SAMD11: variants seen among roughly 807,000 people sequenced by gnomAD.
The protein encoded by SAMD11 is sterile alpha motif domain containing 11, also known as sterile alpha motif domain-containing protein 11.
A neutral mutation model predicts 64.4 loss-of-function variants in SAMD11; 77 were observed. The ratio of observed to expected loss-of-function variants is 1.20; its 90% CI spans 0.99 to 1.44. The LOEUF is 1.44. Among genes scored for constraint, SAMD11 ranks in the 40% most tolerant of loss-of-function variants. The probability of loss-of-function intolerance (pLI) is 0.00; values close to 1 mark genes in which losing one functional copy is unlikely to be tolerated. For missense variants in SAMD11, 1,402 were observed against 943.3 expected (o/e 1.49, Z -6.37); for synonymous variants, 658 against 421.9 (o/e 1.56, Z -6.86).
In SAMD11 at chr1:944,021, C is replaced by T. The variant is rs141154114; in HGVS notation, c.2403C>T (p.Pro801=). The stretch of plus-strand genomic sequence containing the variant: ...GAGAACTCGGCACAGGAGAGCAGCC[C>T]TTGTCCCCCACGACGGCCACGTCCC... The part of the protein sequence containing the change: ...PERELGTGEQ[P]LSPTTATSPY... Residue 801 remains proline, a synonymous_variant, in exon 14 of 14, where the codon CCC becomes CCT. Coordinates refer to ENST00000616016, the MANE Select transcript of SAMD11 (RefSeq NM_001385641.1). 3.1e-6 allele frequency: 5 copies of T among 1,612,930 alleles called. No homozygotes were observed. In the Admixed American group the frequency reaches 5.0e-5, roughly 16 times the overall value.
chr1:941,551 C>T (rs1342349270), intron 8 of SAMD11, among the ~76,000 whole-genome samples: 2 of 152,062 alleles, frequency 1.3e-5, no homozygotes, highest in Non-Finnish European at 2.9e-5. Context: ...AAGGGGAGAG[C>T]TCCAAGTCTG....
chr1:943,103 G>C, intron 11 of SAMD11, 45 bp downstream of exon 11: 1 of 1,555,378 alleles, frequency 6.4e-7, no homozygotes, highest in South Asian at 1.2e-5. Flanking sequence ...GCACAGGACT[G>C]GCAGGCCGCC....
chr1:943,383 G>A lies in SAMD11; in HGVS notation c.2178+6G>A. The A allele has an allele frequency of 1.3e-6, 2 of 1,531,802 alleles. No individual in the cohort carries two copies. Among genetic ancestry groups the A allele is most frequent in the Non-Finnish European group, 1.8e-6 (2 of 1,138,466 alleles). 94.9% of individuals were successfully genotyped at this position (1,531,802 alleles called of 1,614,324 possible). ...GCTGTGGAGAGTACACTCGGGTAAG[G>A]GGGGGCCCCAGTTCCTGGGGCGGGG... On this transcript the variant is annotated splice_donor_region_variant and intron_variant, in intron 12 of 13. Transcript: ENST00000616016.
Position 935,831 on chromosome 1 carries a change from T to C in SAMD11, c.902T>C (p.Met301Thr), listed in dbSNP as rs1641404114. 3.1e-6 allele frequency: 5 copies of C among 1,613,424 alleles called. No homozygotes were observed. Among genetic ancestry groups the C allele is most frequent in the Non-Finnish European group, 4.2e-6 (5 of 1,179,884 alleles). ...SSVHRSRHLV[M>T]PEHQSRCEFQ... Reference sequence around the variant, plus strand: ...GTCCACCGCAGCCGCCACCTCGTTATGCCCGAGCATCAGAGCCGCTGTGAA... The same window carrying C: ...GTCCACCGCAGCCGCCACCTCGTTACGCCCGAGCATCAGAGCCGCTGTGAA... Residue 301 changes from methionine to threonine, a missense_variant, in exon 5 of 14, where the codon ATG (methionine) becomes ACG (threonine). Physicochemically the swap from Met to Thr is moderately conservative, Grantham distance 81. Coordinates refer to ENST00000616016, the MANE Select transcript of SAMD11 (RefSeq NM_001385641.1).
intron 2 of SAMD11, 101 bp from the exon 3 acceptor site, chr1:930,053 AC>A: frequency 3.7e-6 from 5 of 1,359,870 alleles, no homozygotes; most frequent in Non-Finnish European, 5.0e-6. Context: ...ACCAGGGCAG[AC>A]CCCCGGGAGA....
chr1:930,404 T>C, intron 3 of SAMD11, 68 bp downstream of exon 3: 1 of 1,479,372 alleles, frequency 6.8e-7, no homozygotes, highest in South Asian at 1.3e-5. Flanking sequence ...GGCCTTCAGC[T>C]GCTCAGATGA....
chr1:931,410 C>T (rs954077463), intron 4 of SAMD11, among the ~76,000 whole-genome samples: 1 of 152,158 alleles, frequency 6.6e-6, no homozygotes, highest in Non-Finnish European at 1.5e-5. Flanking sequence ...GCCATTTGAG[C>T]CCAAAAATGA....
In SAMD11 at chr1:935,891, C is replaced by A; in HGVS notation, c.962C>A (p.Pro321His). Residue 321 changes from proline (P) to histidine (H), a missense_variant, in exon 5 of 14, where the codon CCC becomes CAC. By Grantham distance (77) the Pro-to-His change is moderately conservative. Transcript: ENST00000616016. ...QRGSLEIGLR[P>H]AGDLLGKRLG... ...GGCAGCCTGGAGATTGGCCTGCGAC[C>A]CGCCGGTGAGGAGCACAGGGGGCCT... 1.2e-6 allele frequency: 2 copies of A among 1,612,662 alleles called. No individual in the cohort carries two copies. The highest frequency in any genetic ancestry group is 1.7e-6 in the Non-Finnish European group (2 of 1,179,666).
At position 929,554 on chromosome 1, in the gene SAMD11, C is replaced by T. The variant is rs564441603; in HGVS notation, c.610-601C>T. 2.0e-5 allele frequency among the ~76,000 whole-genome samples: 3 copies of T among 152,308 alleles called. No homozygotes were observed. In the South Asian group the frequency reaches 6.2e-4, roughly 32 times the overall value. On this transcript the variant is annotated intron_variant, in intron 2 of 13. Coordinates refer to ENST00000616016, the MANE Select transcript of SAMD11 (RefSeq NM_001385641.1). ...AAGGGCATTCGCTTGTCAACGTTGGCATCGGTGGCAGGGTGTGGTGGGCAG... is the reference window on the plus strand; with the variant it reads ...AAGGGCATTCGCTTGTCAACGTTGGTATCGGTGGCAGGGTGTGGTGGGCAG...
intron 5 of SAMD11, among the ~76,000 whole-genome samples, chr1:937,235 C>G (rs753781105): frequency 6.6e-6 from 1 of 152,130 alleles, no homozygotes; most frequent in Non-Finnish European, 1.5e-5. Flanking sequence ...GTTCCCAGCC[C>G]GGGCCCTCCC....
intron 7 of SAMD11, among the ~76,000 whole-genome samples, chr1:939,695 G>C (rs1388025154): frequency 2.6e-5 from 4 of 152,192 alleles, no homozygotes; most frequent in Non-Finnish European, 5.9e-5. Context: ...GGTGGACCCA[G>C]GTGAGGGTGG....
chr1:938,098 C>T (rs933987231), intron 5 of SAMD11, among the ~76,000 whole-genome samples: 34 of 151,918 alleles, frequency 2.2e-4, no homozygotes, highest in African/African-American at 8.2e-4. Context: ...CTGGGAGACC[C>T]CCAGGGCGTG....
At position 944,241 on chromosome 1, in the gene SAMD11, T is replaced by G; in HGVS notation, c.*88T>G. On this transcript the variant is annotated 3_prime_UTR_variant, in exon 14 of 14. Coordinates refer to ENST00000616016, the MANE Select transcript of SAMD11 (RefSeq NM_001385641.1). ...CCTGCCTCCCACCGCTTTATTTCTTTCGGTTTCGGATGCAAAACAAAAAAT... is the reference window on the plus strand; with the variant it reads ...CCTGCCTCCCACCGCTTTATTTCTTGCGGTTTCGGATGCAAAACAAAAAAT... 2.1e-6 allele frequency: 3 copies of G among 1,451,930 alleles called. No individual in the cohort carries two copies. Among genetic ancestry groups the G allele is most frequent in the Non-Finnish European group, 2.7e-6 (3 of 1,102,976 alleles). The allele number at this position is 1,451,930 out of a possible 1,614,324, so 89.9% of individuals were successfully genotyped here. A position where few individuals can be genotyped will look rare whatever the true frequency, so the allele number is the denominator to read the frequency against.
chr1:927,820 G>GGGCAGGGTGGGT (rs1640966410), intron 2 of SAMD11, among the ~76,000 whole-genome samples: 3 of 152,236 alleles, frequency 2.0e-5, no homozygotes, highest in African/African-American at 7.2e-5. Flanking sequence ...TTCTGTCCTT[G>GGGCAGGGTGGGT]GGCAGGGTGG....
intron 2 of SAMD11, among the ~76,000 whole-genome samples, chr1:926,394 C>G (rs1640893094): frequency 6.6e-6 from 1 of 152,208 alleles, no homozygotes; most frequent in African/African-American, 2.4e-5. Flanking sequence ...TGTTCTCTGG[C>G]CCAGCTGGTG....
chr1:941,919 G>T (rs996926934), intron 8 of SAMD11, among the ~76,000 whole-genome samples: 3 of 152,062 alleles, frequency 2.0e-5, no homozygotes, highest in African/African-American at 7.2e-5. Context: ...TACCGCTGCA[G>T]CCGTCGCCGC....
intron 2 of SAMD11, among the ~76,000 whole-genome samples, chr1:929,377 G>A (rs2340588): frequency 0.83 from 126,258 of 152,156 alleles, 56,222 homozygotes; most frequent in Non-Finnish European, 0.99. Context: ...TGCGGAACAG[G>A]GGACCTGGGC....
Position 943,940 on chromosome 1 carries a change from G to T in SAMD11, c.2322G>T (p.Val774=). 6.2e-7 allele frequency: 1 copy of T among 1,612,662 alleles called. No individual in the cohort carries two copies. Among genetic ancestry groups the T allele is most frequent in the Non-Finnish European group, 8.5e-7 (1 of 1,179,834 alleles). The change falls in exon 14 of 14, where the codon GTG becomes GTT. Residue 774 remains valine, a synonymous_variant. Transcript: ENST00000616016. ...VARRLGRVFY[V]ASFPVALPLQ... ...GGCGCCTGGGCCGAGTTTTCTACGT[G>T]GCCAGCTTCCCCGTGGCTCTGCCAC...
At chr1:925,583 G>A (rs1346222146) in intron 1 of SAMD11, among the ~76,000 whole-genome samples, 5 of 152,160 alleles carry the variant, frequency 3.3e-5, no homozygotes, top group African/African-American at 1.2e-4. Context: ...TCCCGACGGC[G>A]CCGCTCACCG....
Sources: allele counts gnomAD v4.1 joint callset (sites outside exome capture counted in the v4.1 genomes callset), GRCh38; gene constraint gnomAD v4.1.1; transcripts MANE v1.5; gene names NCBI Gene and HGNC (gene_info 2026-07-23, HGNC 2026-07-21).